Variants in TTLL11 observed in about 807,000 individuals in gnomAD.
The protein encoded by TTLL11 is tubulin tyrosine ligase like 11.
Under a neutral mutation model 51.7 loss-of-function variants are expected in TTLL11, and 42 were observed. The observed-to-expected ratio is 0.81, with a 90% CI of 0.64 to 1.05. The LOEUF (loss-of-function observed/expected upper bound fraction) is 1.05. TTLL11 is among the 50% of genes least tolerant of loss of function. The pLI is 0.00. For synonymous variants in TTLL11, 381 were observed against 383.5 expected, an observed-to-expected ratio of 0.99 and a Z score of 0.08; for missense variants, 799 against 940.4, an observed-to-expected ratio of 0.85 and a Z score of 1.97.
At chr9:121,985,182 G>A (rs1226610990) in intron 4 of TTLL11, among the ~76,000 whole-genome samples, 1 of 152,148 alleles carries the variant, frequency 6.6e-6, no homozygotes, top group African/African-American at 2.4e-5. Context: ...TCTGAGTCAA[G>A]CCCAGGCAAC....
intron 6 of TTLL11, among the ~76,000 whole-genome samples, chr9:121,939,786 C>G (rs1317575251): frequency 6.6e-6 from 1 of 152,190 alleles, no homozygotes. Flanking sequence ...TACCCCATTT[C>G]CTGCACCCAG....
Position 121,995,854 on chromosome 9 carries a change from C to T in TTLL11, c.694-6084G>A, listed in dbSNP as rs1193374589. 6.6e-6 allele frequency among the ~76,000 whole-genome samples: 1 copy of T among 152,214 alleles called. No individual in the cohort carries two copies. The highest frequency in any genetic ancestry group is 1.5e-5 in the Non-Finnish European group (1 of 68,042). ...AGGGATGAGACTCAGACTCTAAACT[C>T]AGATGGCGCATACCTCGAACTGGAG... On this transcript the variant is annotated intron_variant, in intron 3 of 8. Transcript: ENST00000321582. This position sits in a 1 kb window ranked among gnomAD's most constrained non-coding sequence, Gnocchi z 4.4.
At chr9:122,014,508 G>A (rs1843907542) in intron 3 of TTLL11, among the ~76,000 whole-genome samples, 1 of 152,236 alleles carries the variant, frequency 6.6e-6, no homozygotes, top group East Asian at 1.9e-4. Flanking sequence ...TGTTATGCTG[G>A]TTTCCATAGT....
Position 121,945,456 on chromosome 9 carries a change from G to A in TTLL11, c.1481+28553C>T, listed in dbSNP as rs935312788. On this transcript the variant is annotated intron_variant, in intron 6 of 8. Coordinates refer to ENST00000321582, the MANE Select transcript of TTLL11 (RefSeq NM_001139442.2). ...TTTGATCTGATCTGTTCAAGGAGCC[G>A]ACCACAATGATGCTCTTACCCACCC... Among the ~76,000 whole-genome samples the A allele has an allele frequency of 3.9e-5, 6 of 152,162 alleles. No individual in the cohort carries two copies. The South Asian group carries it at 6.2e-4, about 16-fold the overall frequency.
intron 6 of TTLL11, among the ~76,000 whole-genome samples, chr9:121,921,510 A>G (rs926110283): frequency 4.6e-5 from 7 of 152,154 alleles, no homozygotes; most frequent in Non-Finnish European, 1.0e-4. Flanking sequence ...GTGCCTTTCA[A>G]TTATGCCTGG....
intron 3 of TTLL11, among the ~76,000 whole-genome samples, chr9:122,016,934 C>T (rs928416747): frequency 3.3e-5 from 5 of 152,090 alleles, no homozygotes; most frequent in Non-Finnish European, 2.9e-5. Flanking sequence ...AGGCTGCATC[C>T]GCCTCGACTC....
At chr9:121,966,834 G>T (rs1842412266) in intron 6 of TTLL11, among the ~76,000 whole-genome samples, 2 of 152,190 alleles carry the variant, frequency 1.3e-5, no homozygotes, top group African/African-American at 4.8e-5. Flanking sequence ...GTATGATTCA[G>T]TGGGGCAGAA....
intron 1 of TTLL11, among the ~76,000 whole-genome samples, chr9:122,063,070 C>T (rs781310634): frequency 3.9e-5 from 6 of 152,170 alleles, no homozygotes; most frequent in African/African-American, 1.4e-4. Context: ...CTTGGGCCAC[C>T]GCACCTGGCC....
Position 121,817,927 on chromosome 9 carries a change from A to AT in TTLL11, c.*4659dup, listed in dbSNP as rs1490552678. ...AGAAGTGCTTTGTAAACTGTGAAGG[A>AT]TTGAGCATGTGCTGATAAAATCATG... On this transcript the variant is annotated 3_prime_UTR_variant, in exon 9 of 9. Coordinates refer to ENST00000321582, the MANE Select transcript of TTLL11 (RefSeq NM_001139442.2). The AT allele has an allele frequency of 1.3e-5, 2 of 152,242 alleles. No homozygotes were observed. Among genetic ancestry groups the AT allele is most frequent in the Non-Finnish European group, 2.9e-5 (2 of 68,062 alleles). The allele number at this position is 152,242 out of a possible 1,614,324, so 9.4% of individuals were successfully genotyped here. A position where few individuals can be genotyped will look rare whatever the true frequency, so the allele number is the denominator to read the frequency against.
At chr9:122,020,810 TA>T (rs1245671115) in intron 3 of TTLL11, among the ~76,000 whole-genome samples, 2 of 152,186 alleles carry the variant, frequency 1.3e-5, no homozygotes, top group African/African-American at 4.8e-5. Context: ...TGACCAGCTA[TA>T]AACCAGGAAG....
intron 1 of TTLL11, among the ~76,000 whole-genome samples, chr9:122,092,358 G>T (rs1846282753): frequency 6.6e-6 from 1 of 151,936 alleles, no homozygotes; most frequent in Non-Finnish European, 1.5e-5. Flanking sequence ...GGGCCCCAGG[G>T]GCTTACAAGC....
intron 3 of TTLL11, among the ~76,000 whole-genome samples, chr9:122,026,941 C>T (rs1032279806): frequency 1.7e-4 from 25 of 148,898 alleles, no homozygotes; most frequent in Non-Finnish European, 3.4e-4. Flanking sequence ...ACTAGCCAGT[C>T]GTATTAGACT....
chr9:122,046,200 T>C (rs1278799101), intron 1 of TTLL11, among the ~76,000 whole-genome samples: 3 of 152,158 alleles, frequency 2.0e-5, no homozygotes, highest in East Asian at 3.9e-4. Context: ...GATTGGATCA[T>C]GGGGACAGAC....
At position 122,083,401 on chromosome 9, in the gene TTLL11, C is replaced by G. The variant is rs540594388; in HGVS notation, c.462+9286G>C. Among the ~76,000 whole-genome samples, 279 of 152,296 alleles carry G rather than the reference C, an allele frequency of 1.8e-3. 1 individual carries two copies. The highest frequency in any genetic ancestry group is 6.6e-3 in the African/African-American group (274 of 41,556). ...AGAGACCCCTGCTCCCCAACCCCAC[C>G]AGCCCACATTGAACCCAAAGCATGG... On this transcript the variant is annotated intron_variant, in intron 1 of 8. Coordinates refer to ENST00000321582, the MANE Select transcript of TTLL11 (RefSeq NM_001139442.2).
intron 6 of TTLL11, among the ~76,000 whole-genome samples, chr9:121,938,558 G>C (rs947949965): frequency 6.6e-6 from 1 of 151,932 alleles, no homozygotes; most frequent in Non-Finnish European, 1.5e-5. Context: ...TTTTATCCAA[G>C]GTAAATAGAG....
chr9:121,998,372 C>T (rs536130499), intron 3 of TTLL11, among the ~76,000 whole-genome samples: 7 of 152,186 alleles, frequency 4.6e-5, no homozygotes, highest in Admixed American at 2.0e-4. Flanking sequence ...CTGCAACCTC[C>T]GCCTCCTGGG....
At chr9:121,911,742 T>C (rs563445960) in intron 6 of TTLL11, among the ~76,000 whole-genome samples, 1 of 151,892 alleles carries the variant, frequency 6.6e-6, no homozygotes, top group Admixed American at 6.5e-5. Context: ...TGAGAACACA[T>C]GGACACGGAG....
intron 8 of TTLL11, among the ~76,000 whole-genome samples, chr9:121,842,940 T>C (rs1307566311): frequency 4.6e-5 from 7 of 152,204 alleles, no homozygotes; most frequent in African/African-American, 7.2e-5. Flanking sequence ...CTTTCTTCTC[T>C]GTAACCTGGA....
chr9:121,850,357 G>A (rs770346773), intron 8 of TTLL11, among the ~76,000 whole-genome samples: 5 of 151,866 alleles, frequency 3.3e-5, no homozygotes, highest in Non-Finnish European at 7.4e-5. Flanking sequence ...GATGGCCCAC[G>A]AACAAGAGAT....
Sources: allele counts gnomAD v4.1 joint callset (sites outside exome capture counted in the v4.1 genomes callset), GRCh38; gene constraint gnomAD v4.1.1; non-coding constraint Gnocchi (gnomAD v3.1); transcripts MANE v1.5; gene names NCBI Gene and HGNC (gene_info 2026-07-23, HGNC 2026-07-21).